MBNL2: variants seen among roughly 807,000 people sequenced by gnomAD.
The protein encoded by MBNL2 is muscleblind-like protein 2.
Under a neutral mutation model 41.9 loss-of-function variants are expected in MBNL2, and 17 were observed. The observed-to-expected ratio is 0.41, with a 90% CI of 0.28 to 0.61. The LOEUF (loss-of-function observed/expected upper bound fraction) is 0.61, where lower values mean the gene tolerates loss of function less well. Ranked by LOEUF, MBNL2 falls within the 20% of genes least tolerant of loss-of-function variation. MBNL2 has a pLI of 0.35. For missense variants in MBNL2, 336 were observed against 505.6 expected, an observed-to-expected ratio of 0.66 and a Z score of 3.22; for synonymous variants, 195 against 182.9, an observed-to-expected ratio of 1.07 and a Z score of -0.53.
chr13:97,379,151 A>G (rs1266090515), intron 8 of MBNL2, among the ~76,000 whole-genome samples: 1 of 152,244 alleles, frequency 6.6e-6, no homozygotes, highest in Non-Finnish European at 1.5e-5. Context: ...TGACTAGTTG[A>G]GAAGAAAGTT....
chr13:97,246,784 CT>C (rs764290299), intron 1 of MBNL2, among the ~76,000 whole-genome samples: 19 of 152,258 alleles, frequency 1.2e-4, no homozygotes, highest in Middle Eastern at 3.4e-3. Context: ...TCCAGACGGG[CT>C]TTTTCCTTCC....
chr13:97,389,177 C>T (rs980115926), intron 8 of MBNL2, among the ~76,000 whole-genome samples: 11 of 152,190 alleles, frequency 7.2e-5, no homozygotes, highest in Admixed American at 7.2e-4. Flanking sequence ...GACTGATTTA[C>T]AGTCCAATTA....
chr13:97,334,557 A>C lies in MBNL2; in HGVS notation c.339+117A>C. 1.6e-6 allele frequency: 1 copy of C among 635,818 alleles called. No homozygotes were observed. Among genetic ancestry groups the C allele is most frequent in the Non-Finnish European group, 2.6e-6 (1 of 385,194 alleles). The allele number at this position is 635,818 out of a possible 1,614,324, so 39.4% of individuals were successfully genotyped here. A position where few individuals can be genotyped will look rare whatever the true frequency, so the allele number is the denominator to read the frequency against. ...GTCACTTTGGTTACAATTAAAGCAA[A>C]TAGCTTTAAAGCTCAATAGATGAAG... On this transcript the variant is annotated intron_variant, in intron 3 of 8. Coordinates refer to ENST00000679496, the MANE Select transcript of MBNL2 (RefSeq NM_001382683.1). The surrounding 1 kb of genome is among the most constrained non-coding windows in gnomAD (Gnocchi z 5.3).
At chr13:97,340,007 A>T (rs2061323422) in intron 3 of MBNL2, among the ~76,000 whole-genome samples, 1 of 152,174 alleles carries the variant, frequency 6.6e-6, no homozygotes, top group Admixed American at 6.5e-5. Flanking sequence ...GCCTTGCAGC[A>T]TTGACCTTGG....
At chr13:97,175,952 G>A in the MBNL2 span, among the ~76,000 whole-genome samples, 1 of 152,158 alleles carries the variant, frequency 6.6e-6, no homozygotes, top group Non-Finnish European at 1.5e-5. Context: ...ATATCTGGAT[G>A]GATGCCCCCC....
chr13:97,321,737 G>A (rs1350511758), intron 2 of MBNL2, among the ~76,000 whole-genome samples: 20 of 152,144 alleles, frequency 1.3e-4, no homozygotes, highest in Admixed American at 1.3e-3. Context: ...GCTTTTTAAG[G>A]TGTGATATAG....
In MBNL2 at chr13:97,306,525, A is replaced by C. The variant is rs80092798; in HGVS notation, c.175-27751A>C. Among the ~76,000 whole-genome samples the C allele has an allele frequency of 7.1e-3, 1,088 of 152,334 alleles. 11 individuals carry two copies. The highest frequency in any genetic ancestry group is 0.025 in the African/African-American group (1,032 of 41,578). ...CACTCCTTGCCAGGACTGTGACATA[A>C]ATGACACCTCTTACATTATATTGCA... On this transcript the variant is annotated intron_variant, in intron 2 of 8. Transcript: ENST00000679496.
chr13:97,340,004 A>G (rs1456556005), intron 3 of MBNL2, among the ~76,000 whole-genome samples: 2 of 152,190 alleles, frequency 1.3e-5, no homozygotes, highest in Admixed American at 6.5e-5. Flanking sequence ...TTTGCCTTGC[A>G]GCATTGACCT....
At chr13:97,212,687 G>T in the MBNL2 span, among the ~76,000 whole-genome samples, 1 of 152,122 alleles carries the variant, frequency 6.6e-6, no homozygotes, top group Non-Finnish European at 1.5e-5. Flanking sequence ...GATAATAATA[G>T]TGTCATGGAT....
At chr13:97,148,939 A>G in the MBNL2 span, among the ~76,000 whole-genome samples, 39 of 152,256 alleles carry the variant, frequency 2.6e-4, no homozygotes, top group Non-Finnish European at 5.1e-4. Context: ...ACACAAGAAC[A>G]TTTCCATTTC....
intron 3 of MBNL2, among the ~76,000 whole-genome samples, chr13:97,340,622 A>G (rs922086613): frequency 6.6e-6 from 1 of 152,186 alleles, no homozygotes; most frequent in African/African-American, 2.4e-5. Flanking sequence ...CATTGCAGAT[A>G]AGAAAATTAA....
At chr13:97,251,205 T>C (rs2046434683) in intron 1 of MBNL2, among the ~76,000 whole-genome samples, 1 of 150,022 alleles carries the variant, frequency 6.7e-6, no homozygotes, top group African/African-American at 2.5e-5. Context: ...CACAACAGGG[T>C]TACTACAGTC....
At chr13:97,280,568 G>C (rs1257994097) in intron 2 of MBNL2, among the ~76,000 whole-genome samples, 1 of 152,170 alleles carries the variant, frequency 6.6e-6, no homozygotes, top group South Asian at 2.1e-4. Context: ...TCACTGCTCT[G>C]TTCAGGATCT....
the MBNL2 span, among the ~76,000 whole-genome samples, chr13:97,159,995 C>T: frequency 6.6e-6 from 1 of 152,032 alleles, no homozygotes; most frequent in Non-Finnish European, 1.5e-5. Context: ...AGAGTGTTTT[C>T]CAACTTCGTT....
At chr13:97,203,085 G>A in the MBNL2 span, among the ~76,000 whole-genome samples, 8 of 152,260 alleles carry the variant, frequency 5.3e-5, no homozygotes, top group East Asian at 7.7e-4. Context: ...AGGATTCACC[G>A]ACAAGGGCTG....
At chr13:97,247,817 C>T (rs1035610866) in intron 1 of MBNL2, among the ~76,000 whole-genome samples, 1 of 152,148 alleles carries the variant, frequency 6.6e-6, no homozygotes, top group Non-Finnish European at 1.5e-5. Context: ...CAATTAATTG[C>T]TCTACCTGTG....
At chr13:97,161,829 T>A in the MBNL2 span, among the ~76,000 whole-genome samples, 1 of 152,128 alleles carries the variant, frequency 6.6e-6, no homozygotes, top group Non-Finnish European at 1.5e-5. Flanking sequence ...TTGCATGGTG[T>A]TTGGGATTTA....
chr13:97,205,162 C>A, the MBNL2 span, among the ~76,000 whole-genome samples: 1 of 145,648 alleles, frequency 6.9e-6, no homozygotes, highest in Non-Finnish European at 1.5e-5. Context: ...CAGAGTGAGA[C>A]TCTGTCTCAA....
chr13:97,357,810 CTG>C (rs566244995), intron 7 of MBNL2, 175 bp downstream of exon 7: 49 of 708,860 alleles, frequency 6.9e-5, no homozygotes, highest in Non-Finnish European at 1.2e-4. Context: ...TAGCTAAAGA[CTG>C]TTAGGATTCT....
Sources: gnomAD v4.1 joint callset for allele counts (sites outside exome capture counted in the v4.1 genomes callset) on GRCh38, gnomAD v4.1.1 for gene constraint, Gnocchi (gnomAD v3.1) non-coding constraint, MANE v1.5 for transcripts, NCBI Gene and HGNC (gene_info 2026-07-23, HGNC 2026-07-21) for gene names.